Variants in EML4 observed in about 807,000 individuals in gnomAD.
EML4 encodes echinoderm microtubule-associated protein-like 4.
A neutral mutation model predicts 129.0 loss-of-function variants in EML4; 72 were observed. That is an observed-to-expected ratio of 0.56 (90% CI 0.46 to 0.68). EML4 has a LOEUF of 0.68. EML4 is among the 30% of genes least tolerant of loss of function. EML4 has a pLI of 0.00. For synonymous variants in EML4, 532 were observed against 405.0 expected (o/e 1.31, Z -3.77); for missense variants, 1,363 against 1,190.6 (o/e 1.14, Z -2.13).
chr2:42,265,249 T>C (rs922733732), intron 6 of EML4, among the ~76,000 whole-genome samples: 5 of 152,070 alleles, frequency 3.3e-5, no homozygotes, highest in Non-Finnish European at 5.9e-5. Context: ...ACCCGGCTAA[T>C]TTTTGGTGTT....
At chr2:42,171,815 C>G (rs923560737) in intron 1 of EML4, among the ~76,000 whole-genome samples, 4 of 152,192 alleles carry the variant, frequency 2.6e-5, no homozygotes, top group South Asian at 2.1e-4. Context: ...CTTTCTGTCC[C>G]CCTTGCAAGA....
chr2:42,222,259 C>A (rs773586274), intron 1 of EML4, among the ~76,000 whole-genome samples: 1 of 151,840 alleles, frequency 6.6e-6, no homozygotes, highest in Non-Finnish European at 1.5e-5. Flanking sequence ...TGCAAGATAA[C>A]CCCTGTTAAC....
chr2:42,215,012 C>T (rs1245448320), intron 1 of EML4, among the ~76,000 whole-genome samples: 1 of 152,142 alleles, frequency 6.6e-6, no homozygotes, highest in Non-Finnish European at 1.5e-5. Context: ...ATTGGGGGTT[C>T]ATCTGTGGAG....
chr2:42,259,246 G>GA (rs200357470), intron 3 of EML4, among the ~76,000 whole-genome samples: 1,410 of 139,234 alleles, frequency 0.01, 15 homozygotes, highest in African/African-American at 0.031. Flanking sequence ...GACTTCATCT[G>GA]AAAAAAAAAA....
chr2:42,281,007 G>T, intron 7 of EML4, 34 bp downstream of exon 7: 1 of 1,520,956 alleles, frequency 6.6e-7, no homozygotes, highest in Non-Finnish European at 8.9e-7. Flanking sequence ...AAATTCATTT[G>T]CTTTGTCTCT....
At chr2:42,286,526 T>C in intron 10 of EML4, 147 bp downstream of exon 10, 3 of 615,448 alleles carry the variant, frequency 4.9e-6, no homozygotes, top group Non-Finnish European at 8.7e-6. Flanking sequence ...TAGCTATTGC[T>C]AAATGGCTAG....
chr2:42,200,872 G>A (rs1448392164), intron 1 of EML4, among the ~76,000 whole-genome samples: 1 of 152,128 alleles, frequency 6.6e-6, no homozygotes, highest in Non-Finnish European at 1.5e-5. Flanking sequence ...GGGAAATGAG[G>A]CAGGAAATGA....
intron 19 of EML4, among the ~76,000 whole-genome samples, chr2:42,318,926 A>G (rs1182866023): frequency 2.6e-5 from 4 of 151,934 alleles, no homozygotes; most frequent in African/African-American, 9.7e-5. Flanking sequence ...GGCTGGTCTC[A>G]AACTCCTGGC....
rs564884371 is a variant in EML4 at position 42,178,874 on chromosome 2, T to C, written c.25+9238T>C. ...GAGTGTAGGCAAAAGTTGAAATCTA[T>C]TTAACTTTAAAATTTATATGATTGT... On this transcript the variant is annotated intron_variant, in intron 1 of 22. Transcript: ENST00000318522. Among the ~76,000 whole-genome samples the C allele has an allele frequency of 2.0e-5, 3 of 152,330 alleles. No individual in the cohort carries two copies. The South Asian group carries it at 6.2e-4, about 32-fold the overall frequency.
intron 13 of EML4, among the ~76,000 whole-genome samples, chr2:42,298,036 C>T (rs1276690326): frequency 6.6e-6 from 1 of 152,022 alleles, no homozygotes; most frequent in Non-Finnish European, 1.5e-5. Flanking sequence ...TGAAATTGTT[C>T]TTATGCAAAA....
intron 1 of EML4, among the ~76,000 whole-genome samples, chr2:42,236,317 T>C (rs1013104884): frequency 6.6e-6 from 1 of 152,242 alleles, no homozygotes; most frequent in Non-Finnish European, 1.5e-5. Flanking sequence ...TTTACCCGTT[T>C]TACAATTGAT....
At chr2:42,319,345 A>G (rs1327264711) in intron 19 of EML4, among the ~76,000 whole-genome samples, 1 of 152,230 alleles carries the variant, frequency 6.6e-6, no homozygotes, top group African/African-American at 2.4e-5. Context: ...GTATTGAGAA[A>G]TGGCAAGTTT....
chr2:42,180,720 A>G (rs1346560089), intron 1 of EML4, among the ~76,000 whole-genome samples: 1 of 152,240 alleles, frequency 6.6e-6, no homozygotes, highest in African/African-American at 2.4e-5. Flanking sequence ...ATTACAACCA[A>G]CAGAATCAGG....
chr2:42,218,107 C>G (rs867607666), intron 1 of EML4, among the ~76,000 whole-genome samples: 4 of 152,174 alleles, frequency 2.6e-5, no homozygotes, highest in African/African-American at 9.7e-5. Flanking sequence ...AAAGCTTCAT[C>G]TGTATTTGCA....
chr2:42,316,205 G>A (rs1669237829), intron 18 of EML4, among the ~76,000 whole-genome samples, 155 bp downstream of exon 18: 1 of 152,188 alleles, frequency 6.6e-6, no homozygotes, highest in African/African-American at 2.4e-5. Flanking sequence ...AAATTCTGCT[G>A]CCAGAAACTG....
chr2:42,304,588 T>C (rs773395762), intron 17 of EML4, 37 bp downstream of exon 17: 13 of 1,494,480 alleles, frequency 8.7e-6, no homozygotes, highest in Non-Finnish European at 1.2e-5. Context: ...TCTGAAGTGG[T>C]GGGATGTTTA....
chr2:42,194,921 A>T (rs1045377375), intron 1 of EML4, among the ~76,000 whole-genome samples: 1 of 152,154 alleles, frequency 6.6e-6, no homozygotes, highest in Non-Finnish European at 1.5e-5. Context: ...TAAGAGTTAA[A>T]AGTTAATTTT....
chr2:42,231,197 T>C (rs1313149350), intron 1 of EML4, among the ~76,000 whole-genome samples: 2 of 152,244 alleles, frequency 1.3e-5, no homozygotes, highest in African/African-American at 2.4e-5. Flanking sequence ...GGACCATTTT[T>C]AGTCATTGTC....
chr2:42,265,721 C>T (rs918685553), intron 6 of EML4, among the ~76,000 whole-genome samples: 4 of 152,212 alleles, frequency 2.6e-5, no homozygotes, highest in Admixed American at 2.6e-4. Flanking sequence ...TTGCCAACTT[C>T]ATTGCAAATA....
Sources: allele counts gnomAD v4.1 joint callset (sites outside exome capture counted in the v4.1 genomes callset), GRCh38; gene constraint gnomAD v4.1.1; transcripts MANE v1.5; gene names NCBI Gene and HGNC (gene_info 2026-07-23, HGNC 2026-07-21).